TM4SF5: variants seen among roughly 807,000 people sequenced by gnomAD.
TM4SF5 encodes transmembrane 4 L six family member 5.
TM4SF5 carries 16 observed loss-of-function variants against 22.3 expected under a neutral mutation model. That is an observed-to-expected ratio of 0.72 (90% confidence interval 0.49 to 1.09). The LOEUF is 1.09. Ranked by LOEUF, TM4SF5 falls within the 50% of genes least tolerant of loss-of-function variation. The probability of loss-of-function intolerance (pLI) is 0.00; values close to 1 mark genes in which losing one functional copy is unlikely to be tolerated. For synonymous variants in TM4SF5, 113 were observed against 109.6 expected, an observed-to-expected ratio of 1.03 and a Z score of -0.19; for missense variants, 249 against 266.1, an observed-to-expected ratio of 0.94 and a Z score of 0.45.
chr17:4,780,644 C>G, intron 1 of TM4SF5, 145 bp from the exon 2 acceptor site: 1 of 562,966 alleles, frequency 1.8e-6, no homozygotes, highest in Middle Eastern at 2.8e-4. Context: ...AGCCCAGCAG[C>G]TCCAGGAGAC....
At chr17:4,780,961 C>T in intron 2 of TM4SF5, 92 bp downstream of exon 2, 1 of 1,108,116 alleles carries the variant, frequency 9.0e-7, no homozygotes, top group East Asian at 2.6e-5. Flanking sequence ...GGGAGTACGG[C>T]TTGAGCCAGG....
chr17:4,778,203 G>C (rs1468347697), intron 1 of TM4SF5, among the ~76,000 whole-genome samples: 1 of 152,188 alleles, frequency 6.6e-6, no homozygotes, highest in Non-Finnish European at 1.5e-5. Flanking sequence ...CATGAGACAG[G>C]AAGAAGAGAG....
intron 1 of TM4SF5, among the ~76,000 whole-genome samples, chr17:4,775,308 C>A (rs532947321): frequency 6.6e-6 from 1 of 151,150 alleles, no homozygotes; most frequent in Non-Finnish European, 1.5e-5. Context: ...GCCCGGGCTG[C>A]AGTGCAGTGG....
At chr17:4,772,594 T>C (rs906449147) in intron 1 of TM4SF5, among the ~76,000 whole-genome samples, 2 of 152,180 alleles carry the variant, frequency 1.3e-5, no homozygotes, top group African/African-American at 4.8e-5. Context: ...CTGTGCGGAC[T>C]GCTAAGGATA....
Position 4,776,499 on chromosome 17 carries a change from G to A in TM4SF5, c.178-4290G>A, listed in dbSNP as rs368114565. On this transcript the variant is annotated intron_variant, in intron 1 of 4. Transcript: ENST00000270560. ...GTATTTTTAGTAGAGACGGGGTTTC[G>A]CGATATTGGTCAGGCTGGTTTTGAA... Among the ~76,000 whole-genome samples, 11 of 151,942 alleles carry A rather than the reference G, an allele frequency of 7.2e-5. 1 individual carries two copies. Among genetic ancestry groups the A allele is most frequent in the Non-Finnish European group, 8.8e-5 (6 of 67,956 alleles).
chr17:4,775,638 A>C lies in TM4SF5; in HGVS notation c.177+3539A>C, dbSNP rs561947631. 5.9e-5 allele frequency among the ~76,000 whole-genome samples: 9 copies of C among 152,196 alleles called. No individual in the cohort carries two copies. The South Asian group carries it at 1.9e-3, about 32-fold the overall frequency. Reference sequence around the variant, plus strand: ...ATTTAAGTCACACAGACAAGTACCCAGATCCTTAGTACACAGCTCAACAAA... The same window carrying C: ...ATTTAAGTCACACAGACAAGTACCCCGATCCTTAGTACACAGCTCAACAAA... On this transcript the variant is annotated intron_variant, in intron 1 of 4. Coordinates refer to ENST00000270560, the MANE Select transcript of TM4SF5 (RefSeq NM_003963.3).
rs563380276 is a variant in TM4SF5 at position 4,782,735 on chromosome 17, A to C, written c.395+96A>C. The C allele has an allele frequency of 4.9e-4, 779 of 1,578,368 alleles. 1 individual carries two copies. Among genetic ancestry groups the C allele is most frequent in the Non-Finnish European group, 4.9e-4 (563 of 1,160,780 alleles). ...GACACCTGGGCGGGACTCGACTTCG[A>C]GGGCACTCGCTCCACGTGGGCTACC... is the stretch of plus-strand genomic sequence containing the variant. On this transcript the variant is annotated intron_variant, in intron 3 of 4. Coordinates refer to ENST00000270560, the MANE Select transcript of TM4SF5 (RefSeq NM_003963.3).
chr17:4,774,491 G>A (rs186106344), intron 1 of TM4SF5, among the ~76,000 whole-genome samples: 1 of 152,154 alleles, frequency 6.6e-6, no homozygotes, highest in African/African-American at 2.4e-5. Flanking sequence ...ATTGCAGTGA[G>A]CTATGACCAC....
rs773859853 is a variant in TM4SF5 at position 4,771,930 on chromosome 17, C to T, written c.8C>T (p.Thr3Met). The change falls in exon 1 of 5, where the codon ACG (threonine) becomes ATG (methionine). Residue 3 changes from threonine (T) to methionine (M), a missense_variant. Transcript: ENST00000270560. ...CCTTCCTGACACCTCACCATGTGTACGGGAAAATGTGCCCGCTGTGTGGGG... is the reference window on the plus strand; with the variant it reads ...CCTTCCTGACACCTCACCATGTGTATGGGAAAATGTGCCCGCTGTGTGGGG... MC[T>M]GKCARCVGLS... is the part of the protein sequence containing the mutation. 7.4e-6 allele frequency: 12 copies of T among 1,614,046 alleles called. No individual in the cohort carries two copies. Among genetic ancestry groups the T allele is most frequent in the Admixed American group, 3.3e-5 (2 of 59,994 alleles).
chr17:4,772,647 G>T (rs1917134797), intron 1 of TM4SF5, among the ~76,000 whole-genome samples: 1 of 152,052 alleles, frequency 6.6e-6, no homozygotes. Flanking sequence ...ATGCCCTCAA[G>T]TCGTCTTCCG....
chr17:4,776,128 C>T lies in TM4SF5; in HGVS notation c.177+4029C>T, dbSNP rs146270030. Among the ~76,000 whole-genome samples, 833 of 151,794 alleles carry T rather than the reference C, an allele frequency of 5.5e-3. 8 individuals carry two copies. The highest frequency in any genetic ancestry group is 0.019 in the African/African-American group (787 of 41,408). The stretch of plus-strand genomic sequence containing the variant: ...CCTCCCCAAGTGCTGGGATTACGAG[C>T]GTGAGCCACCGCGCCTGGCCTGTGT... On this transcript the variant is annotated intron_variant, in intron 1 of 4. Transcript: ENST00000270560.
chr17:4,774,799 C>A (rs182914675), intron 1 of TM4SF5, among the ~76,000 whole-genome samples: 1 of 152,158 alleles, frequency 6.6e-6, no homozygotes, highest in East Asian at 1.9e-4. Context: ...CCCAGCTACT[C>A]AGGAAGCTGA....
chr17:4,772,110 T>C lies in TM4SF5; in HGVS notation c.177+11T>C. 6.2e-7 allele frequency: 1 copy of C among 1,614,042 alleles called. No homozygotes were observed. Among genetic ancestry groups the C allele is most frequent in the East Asian group, 2.2e-5 (1 of 44,876 alleles). On this transcript the variant is annotated intron_variant, in intron 1 of 4. Coordinates refer to ENST00000270560, the MANE Select transcript of TM4SF5 (RefSeq NM_003963.3). ...GGCGGGGGCCTAATGGTGAGAAGGC[T>C]GGCAGGGGAGCCCGGGCCAGCTGGC...
At chr17:4,776,756 T>A (rs879549600) in intron 1 of TM4SF5, among the ~76,000 whole-genome samples, 2 of 152,210 alleles carry the variant, frequency 1.3e-5, no homozygotes, top group Non-Finnish European at 2.9e-5. Flanking sequence ...TCTTAAGACA[T>A]GCAAGTATTC....
intron 3 of TM4SF5, 58 bp downstream of exon 3, chr17:4,782,697 C>A: frequency 6.2e-7 from 1 of 1,603,660 alleles, no homozygotes; most frequent in Non-Finnish European, 8.5e-7. Flanking sequence ...CCCGCCCTTC[C>A]CCCGTGGACT....
At chr17:4,781,004 T>A in intron 2 of TM4SF5, 135 bp downstream of exon 2, 1 of 704,614 alleles carries the variant, frequency 1.4e-6, no homozygotes, top group Non-Finnish European at 2.3e-6. Context: ...CATGGCAAGA[T>A]CCCTATCTCT....
chr17:4,776,348 C>T (rs1278467998), intron 1 of TM4SF5, among the ~76,000 whole-genome samples: 1 of 151,932 alleles, frequency 6.6e-6, no homozygotes, highest in African/African-American at 2.4e-5. Flanking sequence ...GTCACCCAGG[C>T]TGGAGTACAA....
chr17:4,782,621 A>G lies in TM4SF5; in HGVS notation c.377A>G (p.Tyr126Cys), dbSNP rs2062722515. The change falls in exon 3 of 5, where the codon TAC (tyrosine) becomes TGC (cysteine). Residue 126 changes from tyrosine (Y) to cysteine (C), a missense_variant. Transcript: ENST00000270560. ...TGCTTAATGAACGGCGAGTGGGGCT[A>G]CCACTTCGAAGACACCGCGTAAGGT... is the stretch of plus-strand genomic sequence containing the variant. ...PRCLMNGEWGYHFEDTAGAYL... is the reference protein window; with the variant it reads ...PRCLMNGEWGCHFEDTAGAYL... The G allele has an allele frequency of 6.2e-7, 1 of 1,613,816 alleles. No individual in the cohort carries two copies. The highest frequency in any genetic ancestry group is 1.1e-5 in the South Asian group (1 of 91,080).
intron 1 of TM4SF5, among the ~76,000 whole-genome samples, chr17:4,773,008 A>G (rs1025703597): frequency 6.6e-6 from 1 of 151,952 alleles, no homozygotes; most frequent in Admixed American, 6.6e-5. Context: ...GGGTTTAAGC[A>G]ATTCTCCTGC....
Sources: allele counts gnomAD v4.1 joint callset (sites outside exome capture counted in the v4.1 genomes callset), GRCh38; gene constraint gnomAD v4.1.1; transcripts MANE v1.5; gene names NCBI Gene and HGNC (gene_info 2026-07-23, HGNC 2026-07-21).